Variants in EML1 observed in about 807,000 individuals in gnomAD.
EML1 encodes the protein echinoderm microtubule-associated protein-like 1.
EML1 carries 27 observed loss-of-function variants against 110.4 expected under a neutral mutation model. That is an observed-to-expected ratio of 0.24 (90% CI 0.18 to 0.34). The LOEUF (loss-of-function observed/expected upper bound fraction) is 0.34, where lower values mean the gene tolerates loss of function less well. Among genes scored for constraint, EML1 ranks in the 10% least tolerant of loss-of-function variants. The pLI is 1.00. For missense variants in EML1, 741 were observed against 1,030.9 expected, an observed-to-expected ratio of 0.72 and a Z score of 3.85; for synonymous variants, 344 against 385.8, an observed-to-expected ratio of 0.89 and a Z score of 1.27.
chr14:99,930,099 C>T (rs2060339812), intron 17 of EML1, among the ~76,000 whole-genome samples: 1 of 152,176 alleles, frequency 6.6e-6, no homozygotes, highest in South Asian at 2.1e-4. Context: ...TTGCCACAGA[C>T]TGGGGTTGTG....
At chr14:99,756,256 C>T (rs557179450) in intron 1 of EML1, among the ~76,000 whole-genome samples, 2 of 152,200 alleles carry the variant, frequency 1.3e-5, no homozygotes, top group Admixed American at 6.5e-5. Context: ...CCAGTCCCTT[C>T]CGACTTAAGG....
intron 1 of EML1, among the ~76,000 whole-genome samples, chr14:99,839,514 AAC>A (rs2058599660): frequency 6.6e-6 from 1 of 152,214 alleles, no homozygotes; most frequent in Non-Finnish European, 1.5e-5. Context: ...ATCCAAGGTA[AAC>A]ACAGTCACAT....
upstream of EML1, among the ~76,000 whole-genome samples, chr14:99,768,188 C>T (rs763483080): frequency 6.0e-4 from 92 of 152,156 alleles, no homozygotes; most frequent in Admixed American, 2.6e-4. Flanking sequence ...CAGAAAGCTT[C>T]GAAAGCATAA....
At chr14:99,817,577 G>A (rs993932354) in intron 1 of EML1, among the ~76,000 whole-genome samples, 8 of 152,178 alleles carry the variant, frequency 5.3e-5, no homozygotes, top group Non-Finnish European at 1.0e-4. Flanking sequence ...TGTTAAGGAC[G>A]TAATTCTGAC....
chr14:99,854,404 G>A (rs983173118), intron 2 of EML1, among the ~76,000 whole-genome samples: 2 of 152,196 alleles, frequency 1.3e-5, no homozygotes, highest in Admixed American at 1.3e-4. Context: ...GACAGCTAAG[G>A]TCAAGGCTTC....
At chr14:99,925,549 C>T (rs566891796) in intron 17 of EML1, among the ~76,000 whole-genome samples, 1 of 152,288 alleles carries the variant, frequency 6.6e-6, no homozygotes, top group South Asian at 2.1e-4. Flanking sequence ...CTCTTTTCAA[C>T]TCTATTTTTG....
chr14:99,790,277 T>C (rs2057649133), upstream of EML1, among the ~76,000 whole-genome samples: 2 of 152,188 alleles, frequency 1.3e-5, no homozygotes, highest in Middle Eastern at 3.2e-3. Context: ...GGCCACCAAA[T>C]ATCATAACAT....
chr14:99,858,512 G>C (rs142524701), intron 2 of EML1, among the ~76,000 whole-genome samples: 80 of 152,276 alleles, frequency 5.3e-4, no homozygotes, highest in Middle Eastern at 6.8e-3. Flanking sequence ...GCTGCACAGT[G>C]CTCCCTTGCT....
At chr14:99,917,682 G>A (rs1348727737) in intron 15 of EML1, 100 bp from the exon 16 acceptor site, 20 of 1,162,520 alleles carry the variant, frequency 1.7e-5, no homozygotes, top group Non-Finnish European at 2.3e-5. Context: ...TAAGGAATTA[G>A]AAGTGTGAGC....
chr14:99,792,981 G>A (rs141392049), upstream of EML1: 1,566 of 152,174 alleles, frequency 0.01, 21 homozygotes, highest in African/African-American at 0.036. Context: ...GGTGGGCTTG[G>A]GTGTCCGTGG....
At chr14:99,824,983 G>A (rs1393608937) in intron 1 of EML1, among the ~76,000 whole-genome samples, 1 of 152,024 alleles carries the variant, frequency 6.6e-6, no homozygotes, top group Non-Finnish European at 1.5e-5. Flanking sequence ...TAATATTCCA[G>A]GGTCATTTTT....
intron 2 of EML1, among the ~76,000 whole-genome samples, chr14:99,854,787 G>A (rs1382687864): frequency 6.6e-6 from 1 of 152,182 alleles, no homozygotes; most frequent in Non-Finnish European, 1.5e-5. Context: ...ATGTAGTGGA[G>A]AAAAGAGAAT....
At chr14:99,920,082 A>G (rs1254165352) in intron 16 of EML1, among the ~76,000 whole-genome samples, 2 of 152,210 alleles carry the variant, frequency 1.3e-5, no homozygotes, top group East Asian at 1.9e-4. Flanking sequence ...GTTAACACTC[A>G]TTTAGTGGGT....
chr14:99,934,421 G>A (rs1372955635), intron 17 of EML1, among the ~76,000 whole-genome samples: 2 of 152,258 alleles, frequency 1.3e-5, no homozygotes, highest in African/African-American at 4.8e-5. Context: ...TCCTGGCCTA[G>A]GCCAACACTT....
chr14:99,743,360 C>T (rs1010789849), intron 1 of EML1, among the ~76,000 whole-genome samples: 1 of 152,182 alleles, frequency 6.6e-6, no homozygotes, highest in Admixed American at 6.5e-5. Flanking sequence ...ACCCTTGGAG[C>T]ACCCATGCCC....
chr14:99,820,737 A>G (rs1274222852), intron 1 of EML1, among the ~76,000 whole-genome samples: 1 of 152,146 alleles, frequency 6.6e-6, no homozygotes, highest in Non-Finnish European at 1.5e-5. Flanking sequence ...GTTCACCTCC[A>G]TTAACACTTA....
chr14:99,858,534 C>T (rs2058945588), intron 2 of EML1, among the ~76,000 whole-genome samples: 1 of 152,194 alleles, frequency 6.6e-6, no homozygotes, highest in Non-Finnish European at 1.5e-5. Flanking sequence ...GGAGATGCCA[C>T]AGTGTATTCA....
At chr14:99,837,183 G>A (rs1260492156) in intron 1 of EML1, among the ~76,000 whole-genome samples, 1 of 152,056 alleles carries the variant, frequency 6.6e-6, no homozygotes, top group Non-Finnish European at 1.5e-5. Context: ...CGTCTTGGCT[G>A]CCCTGGACTT....
At chr14:99,770,778 G>GTTTTTTTTTTTTTTTTTTTT (rs1198007774), upstream of EML1, among the ~76,000 whole-genome samples, 3 of 79,538 alleles carry the variant, frequency 3.8e-5, no homozygotes, top group African/African-American at 4.4e-5. Context: ...AGTTTCCGCT[G>GTTTTTTTTTTTTTTTTTTTT]ATTTTTTTTT....
Sources: allele counts gnomAD v4.1 joint callset (sites outside exome capture counted in the v4.1 genomes callset), GRCh38; gene constraint gnomAD v4.1.1; transcripts MANE v1.5; gene names NCBI Gene and HGNC (gene_info 2026-07-23, HGNC 2026-07-21).